ASB14: variants seen among roughly 807,000 people sequenced by gnomAD.
ASB14 encodes the protein ankyrin repeat and SOCS box containing 14.
ASB14 carries 63 observed loss-of-function variants against 55.6 expected under a neutral mutation model. The observed-to-expected ratio is 1.13, with a 90% CI of 0.92 to 1.40. The LOEUF is 1.40. Among genes scored for constraint, ASB14 ranks in the 40% most tolerant of loss-of-function variants. The pLI is 0.00. For missense variants in ASB14, 724 were observed against 710.4 expected (o/e 1.02, Z -0.22); for synonymous variants, 256 against 259.9 (o/e 0.98, Z 0.15).
chr3:57,283,267 C>T lies in ASB14; in HGVS notation c.642G>A (p.Thr214=), dbSNP rs981728524. The T allele has an allele frequency of 5.8e-6, 9 of 1,551,922 alleles. No individual in the cohort carries two copies. Among genetic ancestry groups the T allele is most frequent in the South Asian group, 4.8e-5 (4 of 84,062 alleles). The change falls in exon 6 of 11, where the codon ACG becomes ACA. Residue 214 remains threonine (T), a synonymous_variant. Coordinates refer to ENST00000487349, the MANE Select transcript of ASB14 (RefSeq NM_001142733.3). ...CAAGAGCAAGAGGAGTGAATCCATA[C>T]GTGCTCTGTGGGTCAGGGTGTGCCC... is the stretch of plus-strand genomic sequence containing the variant. The part of the protein sequence containing the change: ...VSGAHPDPQS[T]YGFTPLALAA...
chr3:57,288,730 T>G (rs1233925400), intron 3 of ASB14, among the ~76,000 whole-genome samples: 5 of 128,880 alleles, frequency 3.9e-5, no homozygotes, highest in African/African-American at 1.3e-4. Context: ...TTTTTTTTTT[T>G]GTGAGACGGA....
In ASB14 at chr3:57,291,976, TG is replaced by T. The variant is rs762325688; in HGVS notation, c.57del (p.Ile20PhefsTer27). The T allele has an allele frequency of 3.2e-5, 49 of 1,535,988 alleles. No homozygotes were observed. In the East Asian group the frequency reaches 1.1e-3, roughly 33 times the overall value. ...DIDEDFDTQL[I>X]IQQSLQDIYK... ...TAAATATCCTGCAAACTCTGTTGAA[TG>T]ATGAGCTGGGTGTCAAAGTCTTCAT... is the stretch of plus-strand genomic sequence containing the variant. On this transcript the variant is annotated frameshift_variant, in exon 2 of 11. Coordinates refer to ENST00000487349, the MANE Select transcript of ASB14 (RefSeq NM_001142733.3). LOFTEE classifies it high-confidence loss of function.
intron 2 of ASB14, among the ~76,000 whole-genome samples, chr3:57,291,162 A>G (rs2061125185): frequency 6.6e-6 from 1 of 152,252 alleles, no homozygotes; most frequent in Non-Finnish European, 1.5e-5. Context: ...CATTTTAAAA[A>G]TACTATATAG....
intron 2 of ASB14, among the ~76,000 whole-genome samples, chr3:57,289,342 G>C (rs1488017979): frequency 6.6e-6 from 1 of 152,070 alleles, no homozygotes; most frequent in Non-Finnish European, 1.5e-5. Context: ...TCTGTCTTCC[G>C]CATTAGCCTG....
At chr3:57,282,924 T>TA (rs1348274455) in intron 6 of ASB14, among the ~76,000 whole-genome samples, 3 of 152,100 alleles carry the variant, frequency 2.0e-5, no homozygotes, top group Non-Finnish European at 4.4e-5. Flanking sequence ...ACAAAAAGGT[T>TA]AAAAAACCAT....
At chr3:57,277,168 G>T (rs1486079377) in intron 9 of ASB14, among the ~76,000 whole-genome samples, 1 of 151,756 alleles carries the variant, frequency 6.6e-6, no homozygotes, top group Non-Finnish European at 1.5e-5. Flanking sequence ...TCGTGAGACT[G>T]AGGCAGGAGA....
At chr3:57,289,146 G>A in intron 2 of ASB14, 23 bp from the exon 3 acceptor site, 11 of 1,463,900 alleles carry the variant, frequency 7.5e-6, no homozygotes, top group Non-Finnish European at 9.3e-6. Context: ...AAATACATAT[G>A]TAATTCCAAA....
rs1043156776 is a variant in ASB14, at chr3:57,289,072, C to T, written c.174G>A (p.Glu58=). Residue 58 remains glutamate, a synonymous_variant, in exon 3 of 11, where the codon GAG becomes GAA. Transcript: ENST00000487349. ...AAAGGGGATAGGAGTACTTAACTTT[C>T]TCTATTGTTTCAACTATCTTCTTAT... The part of the protein sequence containing the change: ...ADYKKIVETI[E]KGKEDALSHL... 3 of 1,523,496 alleles carry T rather than the reference C, an allele frequency of 2.0e-6. No individual in the cohort carries two copies. The highest frequency in any genetic ancestry group is 1.4e-5 in the African/African-American group (1 of 72,710). 94.4% of individuals were successfully genotyped at this position (1,523,496 alleles called of 1,614,324 possible). A position where few individuals can be genotyped will look rare whatever the true frequency, so the allele number is the denominator to read the frequency against.
At chr3:57,286,505 C>A (rs2061082007) in intron 5 of ASB14, among the ~76,000 whole-genome samples, 1 of 151,786 alleles carries the variant, frequency 6.6e-6, no homozygotes, top group South Asian at 2.1e-4. Context: ...ATACTTAGAC[C>A]CCCAAGATCC....
At chr3:57,290,198 C>A (rs763398037) in intron 2 of ASB14, among the ~76,000 whole-genome samples, 1 of 152,034 alleles carries the variant, frequency 6.6e-6, no homozygotes, top group Non-Finnish European at 1.5e-5. Flanking sequence ...CAGTCCTCAC[C>A]GGACTGAAAT....
Position 57,289,100 on chromosome 3 carries a change from T to C in ASB14, c.146A>G (p.Asp49Gly). ...DESLHSFLSADYKKIVETIEK... is the reference protein window; with the variant it reads ...DESLHSFLSAGYKKIVETIEK... ...TATTGTTTCAACTATCTTCTTATAG[T>C]CAGCGCTCAAAAAGGAATGCAAACT... The change falls in exon 3 of 11, where the codon GAC (aspartate) becomes GGC (glycine). Residue 49 changes from aspartate (D) to glycine (G), a missense_variant. Coordinates refer to ENST00000487349, the MANE Select transcript of ASB14 (RefSeq NM_001142733.3). 6.5e-7 allele frequency: 1 copy of C among 1,530,508 alleles called. No homozygotes were observed. The highest frequency in any genetic ancestry group is 2.0e-5 in the Admixed American group (1 of 50,946). 94.8% of individuals were successfully genotyped at this position (1,530,508 alleles called of 1,614,324 possible).
chr3:57,279,277 T>A (rs903709114), intron 7 of ASB14, among the ~76,000 whole-genome samples: 2 of 140,998 alleles, frequency 1.4e-5, no homozygotes, highest in Non-Finnish European at 3.1e-5. Context: ...TTTTTTTTTT[T>A]TTTTTTTTTT....
intron 10 of ASB14, chr3:57,272,312 G>A (rs2060947613): frequency 6.6e-6 from 1 of 152,132 alleles, no homozygotes; most frequent in Non-Finnish European, 1.5e-5. Flanking sequence ...ATCTTGAACA[G>A]AGTCCCTAAA....
intron 10 of ASB14, chr3:57,272,515 C>G (rs559772133): frequency 1.3e-5 from 2 of 152,056 alleles, no homozygotes; most frequent in South Asian, 2.1e-4. Flanking sequence ...ATCTAGGAAC[C>G]ATATTATTTA....
chr3:57,269,830 A>G (rs947514870), intron 10 of ASB14: 1 of 974,458 alleles, frequency 1.0e-6, no homozygotes, highest in South Asian at 1.9e-5. Context: ...TTTAAAAAAA[A>G]GATTGAACTT....
In ASB14 at chr3:57,289,131, GA is replaced by G; in HGVS notation, c.123-9del. ...CTCAAAAAGGAATGCAAACTGCAAA[GA>G]AAAAAATACATATGTAATTCCAAAA... On this transcript the variant is annotated splice_polypyrimidine_tract_variant and intron_variant, in intron 2 of 10. Coordinates refer to ENST00000487349, the MANE Select transcript of ASB14 (RefSeq NM_001142733.3). 1 of 1,514,112 alleles carries G rather than the reference GA, an allele frequency of 6.6e-7. No homozygotes were observed. 93.8% of individuals were successfully genotyped at this position (1,514,112 alleles called of 1,614,324 possible). A position where few individuals can be genotyped will look rare whatever the true frequency, so the allele number is the denominator to read the frequency against.
chr3:57,274,701 A>ATACT (rs2060972597), intron 10 of ASB14, among the ~76,000 whole-genome samples: 1 of 152,156 alleles, frequency 6.6e-6, no homozygotes, highest in African/African-American at 2.4e-5. Context: ...AAAGGAACCT[A>ATACT]TACTTACATG....
chr3:57,291,423 C>T (rs2061127260), intron 2 of ASB14, among the ~76,000 whole-genome samples: 1 of 151,868 alleles, frequency 6.6e-6, no homozygotes, highest in Non-Finnish European at 1.5e-5. Flanking sequence ...GGTCCTTTTT[C>T]AGTGTTGTCC....
Position 57,269,207 on chromosome 3 carries a change from G to T in ASB14, c.*434C>A, listed in dbSNP as rs2060917447. ...GGATGGAGAAAAGGGCTGGAGAGGGGAAGGGAAAGGAGTGTGGGGGTGATC... is the reference window on the plus strand; with the variant it reads ...GGATGGAGAAAAGGGCTGGAGAGGGTAAGGGAAAGGAGTGTGGGGGTGATC... On this transcript the variant is annotated 3_prime_UTR_variant, in exon 11 of 11. Coordinates refer to ENST00000487349, the MANE Select transcript of ASB14 (RefSeq NM_001142733.3). The T allele has an allele frequency of 5.8e-6, 1 of 172,798 alleles. No homozygotes were observed. Among genetic ancestry groups the T allele is most frequent in the Non-Finnish European group, 1.2e-5 (1 of 81,924 alleles). The allele number at this position is 172,798 out of a possible 1,614,324, so 10.7% of individuals were successfully genotyped here.
Sources: gnomAD v4.1 joint callset for allele counts (sites outside exome capture counted in the v4.1 genomes callset) on GRCh38, gnomAD v4.1.1 for gene constraint, MANE v1.5 for transcripts, NCBI Gene and HGNC (gene_info 2026-07-23, HGNC 2026-07-21) for gene names.